Variants in MYO1E observed in about 807,000 individuals in gnomAD.
The protein encoded by MYO1E is unconventional myosin-Ie.
Under a neutral mutation model 151.1 loss-of-function variants are expected in MYO1E, and 68 were observed. The ratio of observed to expected loss-of-function variants is 0.45; its 90% CI spans 0.37 to 0.55. The LOEUF (loss-of-function observed/expected upper bound fraction) is 0.55. Ranked by LOEUF, MYO1E falls within the 20% of genes least tolerant of loss-of-function variation. The pLI is 0.00. For synonymous variants in MYO1E, 601 were observed against 501.7 expected (o/e 1.20, Z -2.64); for missense variants, 1,363 against 1,389.3 (o/e 0.98, Z 0.30).
intron 18 of MYO1E, among the ~76,000 whole-genome samples, chr15:59,184,754 G>A (rs1375996881): frequency 6.6e-6 from 1 of 152,202 alleles, no homozygotes; most frequent in African/African-American, 2.4e-5. Flanking sequence ...AAACACAGGC[G>A]TGAACATATC....
intron 3 of MYO1E, among the ~76,000 whole-genome samples, chr15:59,257,187 C>T (rs377689757): frequency 6.6e-6 from 1 of 152,132 alleles, no homozygotes; most frequent in Non-Finnish European, 1.5e-5. Flanking sequence ...AAGAGAAATA[C>T]TTTGTTGAGT....
chr15:59,214,224 T>G lies in MYO1E; in HGVS notation c.1275+4A>C. ...AATAGGATGAAGGAAGAGGGACTGC[T>G]TACCTGTTCTGCCTTTAATGTCAGT... On this transcript the variant is annotated splice_donor_region_variant and intron_variant, in intron 12 of 27. Coordinates refer to ENST00000288235, the MANE Select transcript of MYO1E (RefSeq NM_004998.4). 1 of 1,605,402 alleles carries G rather than the reference T, an allele frequency of 6.2e-7. No individual in the cohort carries two copies. The highest frequency in any genetic ancestry group is 8.5e-7 in the Non-Finnish European group (1 of 1,172,638).
intron 4 of MYO1E, among the ~76,000 whole-genome samples, chr15:59,243,827 G>A (rs529156894): frequency 1.3e-5 from 2 of 151,838 alleles, no homozygotes; most frequent in African/African-American, 4.8e-5. Context: ...AAGTAATTCT[G>A]CGAGAATGAG....
At chr15:59,257,590 G>C (rs1334638541) in intron 3 of MYO1E, among the ~76,000 whole-genome samples, 1 of 151,986 alleles carries the variant, frequency 6.6e-6, no homozygotes, top group African/African-American at 2.4e-5. Context: ...TGTAGAAAAG[G>C]GGGCCTGGCT....
chr15:59,176,052 T>TTTGTTG (rs35018814), intron 19 of MYO1E, among the ~76,000 whole-genome samples: 16 of 151,380 alleles, frequency 1.1e-4, no homozygotes, highest in South Asian at 6.3e-4. Context: ...TGATGTGGGT[T>TTTGTTG]TTGTTGTTGT....
At chr15:59,354,421 C>A (rs977500646) in intron 1 of MYO1E, among the ~76,000 whole-genome samples, 1 of 152,182 alleles carries the variant, frequency 6.6e-6, no homozygotes, top group Non-Finnish European at 1.5e-5. Context: ...CTTATCCTGG[C>A]CATGAATCTA....
In MYO1E at chr15:59,136,565, T is replaced by C; in HGVS notation, c.*815A>G. On this transcript the variant is annotated 3_prime_UTR_variant, in exon 28 of 28. Coordinates refer to ENST00000288235, the MANE Select transcript of MYO1E (RefSeq NM_004998.4). ...TACCTTATGAATGAGTACAGTGGAA[T>C]ACTACTTAGTACATTCATACATGTT... The C allele has an allele frequency of 2.7e-6, 1 of 375,394 alleles. No homozygotes were observed. The highest frequency in any genetic ancestry group is 3.1e-5 in the Admixed American group (1 of 31,998). 23.3% of individuals were successfully genotyped at this position (375,394 alleles called of 1,614,324 possible). A position where few individuals can be genotyped will look rare whatever the true frequency, so the allele number is the denominator to read the frequency against.
At position 59,223,171 on chromosome 15, in the gene MYO1E, C is replaced by G; in HGVS notation, c.798G>C (p.Gly266=). The G allele has an allele frequency of 6.2e-7, 1 of 1,614,180 alleles. No individual in the cohort carries two copies. Among genetic ancestry groups the G allele is most frequent in the Non-Finnish European group, 8.5e-7 (1 of 1,180,032 alleles). Residue 266 remains glycine (G), a synonymous_variant, in exon 9 of 28, where the codon GGG becomes GGC. Coordinates refer to ENST00000288235, the MANE Select transcript of MYO1E (RefSeq NM_004998.4). ...CCAGCGTTTGCTCTTCTGCAAAGAT[C>G]CCAATCACATTCATGGCGTGCTGGA... The part of the protein sequence containing the change: ...QETLHAMNVI[G]IFAEEQTLVL...
intron 18 of MYO1E, among the ~76,000 whole-genome samples, chr15:59,181,033 G>A (rs1371504024): frequency 6.6e-6 from 1 of 152,066 alleles, no homozygotes; most frequent in African/African-American, 2.4e-5. Flanking sequence ...ATGCAGCTGG[G>A]ACCCCAGGGA....
At chr15:59,233,904 C>G (rs1401136073) in intron 5 of MYO1E, among the ~76,000 whole-genome samples, 6 of 145,012 alleles carry the variant, frequency 4.1e-5, no homozygotes, top group African/African-American at 1.5e-4. Context: ...AAAAAAAAAT[C>G]TCATTAATTT....
At chr15:59,277,280 C>T (rs1265423369) in intron 1 of MYO1E, among the ~76,000 whole-genome samples, 3 of 152,102 alleles carry the variant, frequency 2.0e-5, no homozygotes, top group African/African-American at 4.8e-5. Context: ...GGCGCGGTGG[C>T]TCATACCTGT....
chr15:59,294,957 A>C (rs1266464435), intron 1 of MYO1E, among the ~76,000 whole-genome samples: 1 of 152,032 alleles, frequency 6.6e-6, no homozygotes, highest in African/African-American at 2.4e-5. Flanking sequence ...TAAAGCCTGC[A>C]AGTTCCCAGA....
chr15:59,312,072 G>C (rs764281597), intron 1 of MYO1E, among the ~76,000 whole-genome samples: 1 of 152,096 alleles, frequency 6.6e-6, no homozygotes, highest in Non-Finnish European at 1.5e-5. Flanking sequence ...ACAACACTCA[G>C]CAATATATTT....
intron 1 of MYO1E, among the ~76,000 whole-genome samples, chr15:59,308,314 T>C (rs1456803113): frequency 6.8e-6 from 1 of 147,026 alleles, no homozygotes; most frequent in East Asian, 2.1e-4. Context: ...GGGGGGCAGA[T>C]CGCCTGAGGT....
chr15:59,283,922 A>C, intron 1 of MYO1E, among the ~76,000 whole-genome samples: 1 of 152,186 alleles, frequency 6.6e-6, no homozygotes, highest in Non-Finnish European at 1.5e-5. Context: ...TCATCTGCCC[A>C]ATGACACCAC....
At chr15:59,280,591 C>T (rs1336292927) in intron 1 of MYO1E, among the ~76,000 whole-genome samples, 1 of 144,628 alleles carries the variant, frequency 6.9e-6, no homozygotes, top group African/African-American at 2.6e-5. Context: ...CATTGCACTC[C>T]AGCCTGGGCA....
intron 2 of MYO1E, among the ~76,000 whole-genome samples, chr15:59,272,002 T>G (rs188906312): frequency 1.3e-5 from 2 of 152,332 alleles, no homozygotes; most frequent in Admixed American, 1.3e-4. Context: ...CTGAACCAAG[T>G]GATATAAACA....
intron 3 of MYO1E, among the ~76,000 whole-genome samples, chr15:59,257,454 C>T (rs2080200189): frequency 6.6e-6 from 1 of 152,192 alleles, no homozygotes; most frequent in African/African-American, 2.4e-5. Context: ...CTGCAAGTCT[C>T]ACAGTGTAAA....
chr15:59,306,432 G>A (rs1220635575), intron 1 of MYO1E, among the ~76,000 whole-genome samples: 1 of 152,120 alleles, frequency 6.6e-6, no homozygotes, highest in African/African-American at 2.4e-5. Context: ...ATGTTTTAAT[G>A]AGCATTTAAA....
Sources: gnomAD v4.1 joint callset for allele counts (sites outside exome capture counted in the v4.1 genomes callset) on GRCh38, gnomAD v4.1.1 for gene constraint, MANE v1.5 for transcripts, NCBI Gene and HGNC (gene_info 2026-07-23, HGNC 2026-07-21) for gene names.